TLE2: variants seen among roughly 807,000 people sequenced by gnomAD.
TLE2 encodes the protein transducin-like enhancer protein 2.
A neutral mutation model predicts 97.2 loss-of-function variants in TLE2; 74 were observed. The observed-to-expected ratio is 0.76, with a 90% CI of 0.63 to 0.92. The LOEUF is 0.92. Ranked by LOEUF, TLE2 falls within the 40% of genes least tolerant of loss-of-function variation. The probability of loss-of-function intolerance (pLI) is 0.00; values close to 1 mark genes in which losing one functional copy is unlikely to be tolerated. For synonymous variants in TLE2, 499 were observed against 432.1 expected (o/e 1.15, Z -1.92); for missense variants, 1,038 against 1,008.7 (o/e 1.03, Z -0.39).
At position 3,019,312 on chromosome 19, in the gene TLE2, C is replaced by T. The variant is rs377647599; in HGVS notation, c.521G>A (p.Arg174His). Residue 174 changes from arginine to histidine, a missense_variant, in exon 7 of 20, where the codon CGT (arginine) becomes CAT (histidine). By Grantham distance (29) the Arg-to-His change is conservative. Coordinates refer to ENST00000262953, the MANE Select transcript of TLE2 (RefSeq NM_003260.5). The surrounding 1 kb of genome is among the most constrained non-coding windows in gnomAD (Gnocchi z 5.1). ...GGACCCCTCGGCCTCCACGCCCGCA[C>T]GGTCCTCCTTGACAGCCGCCGCCAG... is the stretch of plus-strand genomic sequence containing the variant. Reference protein sequence around the residue: ...AQLAAAVKEDRAGVEAEGSRV... With the variant: ...AQLAAAVKEDHAGVEAEGSRV... 1.7e-4 allele frequency: 276 copies of T among 1,577,154 alleles called. No individual in the cohort carries two copies. The highest frequency in any genetic ancestry group is 2.1e-4 in the Non-Finnish European group (240 of 1,169,932).
At chr19:3,039,225 CAAAA>C (rs1198237452) in intron 1 of TLE2, among the ~76,000 whole-genome samples, 2 of 103,856 alleles carry the variant, frequency 1.9e-5, no homozygotes. Context: ...TTCCCCACTC[CAAAA>C]AAAAAAAAAA....
At chr19:3,007,962 A>C (rs1599205584) in intron 14 of TLE2, among the ~76,000 whole-genome samples, 1 of 151,956 alleles carries the variant, frequency 6.6e-6, no homozygotes, top group Non-Finnish European at 1.5e-5. Context: ...CGTGCCTGTA[A>C]TCCCAGCTAC....
In TLE2 at chr19:3,029,049, G is replaced by A. The variant is rs1224799723; in HGVS notation, c.-145C>T. 1.4e-6 allele frequency: 2 copies of A among 1,414,566 alleles called. No individual in the cohort carries two copies. The highest frequency in any genetic ancestry group is 2.9e-5 in the African/African-American group (2 of 68,736). The allele number at this position is 1,414,566 out of a possible 1,614,324, so 87.6% of individuals were successfully genotyped here. A position where few individuals can be genotyped will look rare whatever the true frequency, so the allele number is the denominator to read the frequency against. ...GAAGCGGCGCGGGGCAAGGGACCCT[G>A]GAGTCCCTGGCGCGCCCCCAAGCGC... is the stretch of plus-strand genomic sequence containing the variant. On this transcript the variant is annotated 5_prime_UTR_variant, in exon 1 of 20. Transcript: ENST00000262953.
intron 12 of TLE2, among the ~76,000 whole-genome samples, 185 bp from the exon 13 acceptor site, chr19:3,009,887 C>CTCT (rs764492373): frequency 2.0e-5 from 3 of 148,408 alleles, no homozygotes; most frequent in East Asian, 2.0e-4. Flanking sequence ...TTCTCTCTCT[C>CTCT]TTTTTTTCTT....
intron 5 of TLE2, among the ~76,000 whole-genome samples, chr19:3,023,054 ATCT>A (rs113352342): frequency 1.4e-5 from 2 of 140,778 alleles, no homozygotes; most frequent in Non-Finnish European, 3.0e-5. Flanking sequence ...ATTTTACCTA[ATCT>A]TTTTTTTTTT....
chr19:3,036,076 G>A (rs1239260762), intron 1 of TLE2, among the ~76,000 whole-genome samples: 1 of 152,142 alleles, frequency 6.6e-6, no homozygotes, highest in Admixed American at 6.5e-5. Context: ...AGTCACGCTG[G>A]ACGCCCGGCG....
rs116529982 is a variant in TLE2 at position 3,006,149 on chromosome 19, A to G, written c.1501-181T>C. The G allele has an allele frequency of 9.2e-4, 866 of 946,200 alleles. 7 individuals carry two copies. In the African/African-American group the frequency reaches 0.012, roughly 13 times the overall value. 58.6% of individuals were successfully genotyped at this position (946,200 alleles called of 1,614,324 possible). ...CCTGCAAACACTGCCCCATCTGACT[A>G]TAAGCTCCATCCTTTACCTATAAGC... On this transcript the variant is annotated intron_variant, in intron 15 of 19. Transcript: ENST00000262953.
intron 7 of TLE2, among the ~76,000 whole-genome samples, chr19:3,018,653 C>T (rs548539460): frequency 6.7e-6 from 1 of 149,600 alleles, no homozygotes; most frequent in African/African-American, 2.5e-5. Context: ...CTCACTCTCT[C>T]ACTCAGGCTG....
intron 2 of TLE2, 127 bp downstream of exon 2, chr19:3,028,579 A>T: frequency 8.7e-7 from 1 of 1,150,734 alleles, no homozygotes; most frequent in Non-Finnish European, 1.2e-6. Flanking sequence ...CTGCGCTTCC[A>T]CCTGGAGGCC....
At chr19:2,998,206 G>A (rs528685194) in intron 19 of TLE2, among the ~76,000 whole-genome samples, 2 of 151,208 alleles carry the variant, frequency 1.3e-5, no homozygotes, top group Admixed American at 1.3e-4. Context: ...AAATAGCTGG[G>A]ATTATAGGCG....
At chr19:3,007,073 C>T (rs2089495325) in intron 14 of TLE2, among the ~76,000 whole-genome samples, 1 of 151,948 alleles carries the variant, frequency 6.6e-6, no homozygotes, top group Admixed American at 6.6e-5. Context: ...GCGTGAGCCA[C>T]CATGCCCAGC....
intron 15 of TLE2, 164 bp downstream of exon 15, chr19:3,006,256 C>T (rs1241504779): frequency 2.4e-6 from 3 of 1,238,864 alleles, no homozygotes; most frequent in Non-Finnish European, 3.5e-6. Context: ...ACCCCTTTGG[C>T]CTGCAAGCCT....
At chr19:2,998,651 C>T (rs144303942) in intron 19 of TLE2, among the ~76,000 whole-genome samples, 7,488 of 152,116 alleles carry the variant, frequency 0.049, 544 homozygotes, top group African/African-American at 0.16. Context: ...TGACCTCAGG[C>T]GATCCACCGC....
At chr19:3,044,805 A>G (rs1331341140) in intron 1 of TLE2, among the ~76,000 whole-genome samples, 1 of 152,260 alleles carries the variant, frequency 6.6e-6, no homozygotes, top group African/African-American at 2.4e-5. Flanking sequence ...GATCTATAGT[A>G]GAAACCCAAA....
At chr19:3,040,317 G>A (rs1164773431) in intron 1 of TLE2, among the ~76,000 whole-genome samples, 3 of 152,062 alleles carry the variant, frequency 2.0e-5, no homozygotes, top group Admixed American at 6.6e-5. Context: ...TGGCCGCATG[G>A]CCCAATCTGA....
chr19:3,022,714 C>A (rs1452587339), intron 5 of TLE2, among the ~76,000 whole-genome samples: 1 of 152,118 alleles, frequency 6.6e-6, no homozygotes, highest in Non-Finnish European at 1.5e-5. Context: ...GACATCTGGG[C>A]TGTCTCCACC....
At chr19:3,002,556 T>A in intron 17 of TLE2, 53 bp from the exon 18 acceptor site, 1 of 1,532,760 alleles carries the variant, frequency 6.5e-7, no homozygotes, top group Non-Finnish European at 8.7e-7. Context: ...TGTTTTGTGT[T>A]GAGACAGGGT....
intron 11 of TLE2, among the ~76,000 whole-genome samples, 176 bp from the exon 12 acceptor site, chr19:3,011,336 T>C (rs1342693633): frequency 6.6e-6 from 1 of 151,944 alleles, no homozygotes; most frequent in African/African-American, 2.4e-5. Flanking sequence ...GAGACCAGCC[T>C]GGCCAACATG....
chr19:3,025,700 G>A (rs1383993968), intron 4 of TLE2: 1 of 758,676 alleles, frequency 1.3e-6, no homozygotes, highest in Non-Finnish European at 1.6e-6. Context: ...GCATACAATG[G>A]CCACGGACTT....
Sources: gnomAD v4.1 joint callset for allele counts (sites outside exome capture counted in the v4.1 genomes callset) on GRCh38, gnomAD v4.1.1 for gene constraint, Gnocchi (gnomAD v3.1) non-coding constraint, MANE v1.5 for transcripts, NCBI Gene and HGNC (gene_info 2026-07-23, HGNC 2026-07-21) for gene names.